EYS: variants seen among roughly 807,000 people sequenced by gnomAD.
EYS encodes the protein protein eyes shut homolog.
A neutral mutation model predicts 282.1 loss-of-function variants in EYS; 250 were observed. The observed-to-expected ratio is 0.89, with a 90% confidence interval of 0.80 to 0.98. The LOEUF (loss-of-function observed/expected upper bound fraction) is 0.98, where lower values mean the gene tolerates loss of function less well. EYS is among the 50% of genes least tolerant of loss of function. The pLI, the probability that EYS is intolerant of heterozygous loss-of-function variation, is 0.00. For synonymous variants in EYS, 1,355 were observed against 1,282.9 expected (o/e 1.06, Z -1.20); for missense variants, 4,016 against 3,709.0 (o/e 1.08, Z -2.15).
At chr6:64,709,371 C>A (rs1771134061) in intron 22 of EYS, among the ~76,000 whole-genome samples, 2 of 152,048 alleles carry the variant, frequency 1.3e-5, no homozygotes, top group Non-Finnish European at 1.5e-5. Flanking sequence ...TGATGGAGTT[C>A]ATTTCTTCAG....
intron 5 of EYS, among the ~76,000 whole-genome samples, chr6:65,458,901 G>A (rs560532768): frequency 6.6e-5 from 10 of 152,036 alleles, no homozygotes; most frequent in Admixed American, 1.3e-4. Context: ...AAGCCTAATA[G>A]CATATATATA....
intron 5 of EYS, among the ~76,000 whole-genome samples, chr6:65,427,667 G>GAA (rs1767713620): frequency 6.6e-6 from 1 of 151,878 alleles, no homozygotes; most frequent in Non-Finnish European, 1.5e-5. Flanking sequence ...AGTAAAAGGG[G>GAA]CACCATTATG....
chr6:65,316,642 C>T (rs1033617264), intron 11 of EYS, among the ~76,000 whole-genome samples: 3 of 151,780 alleles, frequency 2.0e-5, no homozygotes, highest in African/African-American at 4.8e-5. Context: ...CCCCTCTCCC[C>T]CTGGCAGGCC....
intron 29 of EYS, among the ~76,000 whole-genome samples, chr6:64,344,416 T>C (rs999240028): frequency 2.6e-5 from 4 of 151,938 alleles, no homozygotes; most frequent in African/African-American, 7.2e-5. Context: ...CGAAAATCAA[T>C]AAACGTAATC....
At chr6:63,879,208 G>A (rs376827956) in intron 35 of EYS, among the ~76,000 whole-genome samples, 6 of 152,106 alleles carry the variant, frequency 3.9e-5, no homozygotes, top group Non-Finnish European at 5.9e-5. Context: ...TTAGAAAGTC[G>A]AGGGAGAATA....
In EYS at chr6:64,359,818, C is replaced by T. The variant is rs527827956; in HGVS notation, c.6078+28872G>A. Among the ~76,000 whole-genome samples the T allele has an allele frequency of 2.0e-5, 3 of 151,768 alleles. No individual in the cohort carries two copies. The South Asian group carries it at 6.2e-4, about 32-fold the overall frequency. On this transcript the variant is annotated intron_variant, in intron 29 of 42. Coordinates refer to ENST00000503581, the MANE Select transcript of EYS (RefSeq NM_001142800.2). ...CACCTCACTGAACATTGGTCACTTC[C>T]CCATTTCCAAATACAGTCACATTGG...
rs142684377 is a variant in EYS, at chr6:65,413,586, G to A, written c.863-8219C>T. Among the ~76,000 whole-genome samples, 1,391 of 152,182 alleles carry A rather than the reference G, an allele frequency of 9.1e-3. 30 individuals are homozygous for A. Among genetic ancestry groups the A allele is most frequent in the African/African-American group, 0.032 (1,310 of 41,530 alleles). On this transcript the variant is annotated intron_variant, in intron 5 of 42. Coordinates refer to ENST00000503581, the MANE Select transcript of EYS (RefSeq NM_001142800.2). ...TGTTTAAGAGCAAAGTGGGCCAGGT[G>A]CTGTGGCTCACACCTATAATCCCAG...
At chr6:65,666,358 T>C (rs1273524983) in intron 1 of EYS, among the ~76,000 whole-genome samples, 1 of 151,852 alleles carries the variant, frequency 6.6e-6, no homozygotes, top group Non-Finnish European at 1.5e-5. Flanking sequence ...CAGAATAATC[T>C]GTATTGGCTC....
intron 30 of EYS, among the ~76,000 whole-genome samples, chr6:64,287,495 C>A (rs1768542108): frequency 6.6e-6 from 1 of 152,078 alleles, no homozygotes; most frequent in Non-Finnish European, 1.5e-5. Flanking sequence ...GAAATCAATT[C>A]ATATCTCAGT....
intron 22 of EYS, among the ~76,000 whole-genome samples, chr6:64,812,381 C>T (rs899088155): frequency 6.6e-6 from 1 of 151,696 alleles, no homozygotes; most frequent in Non-Finnish European, 1.5e-5. Context: ...TTTGCCTATG[C>T]TAAATGTAAG....
chr6:63,899,740 C>G (rs943944862), intron 35 of EYS, among the ~76,000 whole-genome samples: 2 of 152,180 alleles, frequency 1.3e-5, no homozygotes, highest in Admixed American at 6.5e-5. Context: ...TTTACTCATG[C>G]CTCTCCCTTG....
chr6:64,511,890 G>A (rs1473975447), intron 26 of EYS, among the ~76,000 whole-genome samples: 1 of 151,876 alleles, frequency 6.6e-6, no homozygotes, highest in Admixed American at 6.6e-5. Flanking sequence ...TTCCTAAAAT[G>A]TGCATCTTTA....
chr6:65,206,323 C>T (rs993477439), intron 12 of EYS, among the ~76,000 whole-genome samples: 1 of 151,298 alleles, frequency 6.6e-6, no homozygotes, highest in African/African-American at 2.4e-5. Flanking sequence ...CATACAACCT[C>T]CGAAAATTGA....
intron 33 of EYS, among the ~76,000 whole-genome samples, chr6:64,021,168 A>AC (rs1769171994): frequency 1.3e-5 from 2 of 151,478 alleles, no homozygotes; most frequent in Admixed American, 6.6e-5. Flanking sequence ...AAAAAAAAAA[A>AC]GCCTTTTCTT....
At chr6:64,074,507 T>G (rs1380100736) in intron 32 of EYS, among the ~76,000 whole-genome samples, 1 of 151,590 alleles carries the variant, frequency 6.6e-6, no homozygotes, top group African/African-American at 2.4e-5. Context: ...ATTCATTGTT[T>G]ATATGGTACC....
At chr6:63,937,394 T>G (rs1765098492) in intron 35 of EYS, among the ~76,000 whole-genome samples, 1 of 108,976 alleles carries the variant, frequency 9.2e-6, no homozygotes, top group Admixed American at 1.0e-4. Context: ...TTTTTTTTTT[T>G]TTTTGAGACG....
intron 30 of EYS, among the ~76,000 whole-genome samples, chr6:64,242,837 T>C (rs1766876420): frequency 2.0e-5 from 3 of 147,016 alleles, no homozygotes; most frequent in Admixed American, 6.9e-5. Flanking sequence ...ATATATAATA[T>C]AAATATATAA....
intron 8 of EYS, among the ~76,000 whole-genome samples, chr6:65,376,982 A>G (rs935787006): frequency 2.6e-5 from 4 of 152,300 alleles, no homozygotes; most frequent in Admixed American, 6.5e-5. Flanking sequence ...GAAAATTAAC[A>G]AGGATATTCA....
chr6:64,562,103 T>G (rs1765414365), intron 26 of EYS, among the ~76,000 whole-genome samples: 1 of 151,822 alleles, frequency 6.6e-6, no homozygotes. Flanking sequence ...ACAATATTAA[T>G]TGAATGACTT....
Sources: allele counts gnomAD v4.1 joint callset (sites outside exome capture counted in the v4.1 genomes callset), GRCh38; gene constraint gnomAD v4.1.1; transcripts MANE v1.5; gene names NCBI Gene and HGNC (gene_info 2026-07-23, HGNC 2026-07-21).